The following CPLX1 variants were observed in gnomAD, a reference collection of about 807,000 sequenced individuals.
The protein encoded by CPLX1 is complexin 1.
Under a neutral mutation model 15.6 loss-of-function variants are expected in CPLX1, and 6 were observed. The ratio of observed to expected loss-of-function variants is 0.39; its 90% CI spans 0.21 to 0.76. The LOEUF is 0.76. CPLX1 is among the 30% of genes least tolerant of loss of function. The pLI, the probability that CPLX1 is intolerant of heterozygous loss-of-function variation, is 0.43. For missense variants in CPLX1, 242 were observed against 188.6 expected, an observed-to-expected ratio of 1.28 and a Z score of -1.66; for synonymous variants, 91 against 75.2, an observed-to-expected ratio of 1.21 and a Z score of -1.08.
intron 2 of CPLX1, among the ~76,000 whole-genome samples, chr4:820,030 T>C (rs1343096367): frequency 6.6e-6 from 1 of 152,190 alleles, no homozygotes; most frequent in African/African-American, 2.4e-5. Context: ...CAAAAGAATC[T>C]TCCCCATGTG....
chr4:792,371 G>A (rs1746206202), intron 3 of CPLX1, 62 bp downstream of exon 3: 1 of 1,413,332 alleles, frequency 7.1e-7, no homozygotes, highest in Non-Finnish European at 9.3e-7. Flanking sequence ...ACCCAGGCGG[G>A]ATCTGGGTCC....
chr4:811,783 C>T (rs1746669252), intron 2 of CPLX1, among the ~76,000 whole-genome samples: 1 of 152,212 alleles, frequency 6.6e-6, no homozygotes, highest in Non-Finnish European at 1.5e-5. Context: ...TCCTGCTTCT[C>T]TGTCCTTTGA....
At chr4:790,808 C>G (rs1382063931) in intron 3 of CPLX1, among the ~76,000 whole-genome samples, 1 of 152,154 alleles carries the variant, frequency 6.6e-6, no homozygotes, top group East Asian at 1.9e-4. Flanking sequence ...AGCGTCAGCT[C>G]TCTCTAGCTC....
At chr4:809,349 A>G (rs1201523795) in intron 2 of CPLX1, among the ~76,000 whole-genome samples, 2 of 152,198 alleles carry the variant, frequency 1.3e-5, no homozygotes, top group Non-Finnish European at 1.5e-5. Context: ...TCTCCCCCAG[A>G]AAGGGGCCCT....
chr4:789,351 G>T lies in CPLX1; in HGVS notation c.208-2653C>A, dbSNP rs184633827. Among the ~76,000 whole-genome samples the T allele has an allele frequency of 1.8e-3, 275 of 152,264 alleles. 3 individuals carry two copies. The highest frequency in any genetic ancestry group is 6.4e-3 in the African/African-American group (266 of 41,566). ...GGGGGCGCCCAGGAGGCCCTGACACGTCTGAGGTGAGACCCTGAACCCTGA... is the reference window on the plus strand; with the variant it reads ...GGGGGCGCCCAGGAGGCCCTGACACTTCTGAGGTGAGACCCTGAACCCTGA... On this transcript the variant is annotated intron_variant, in intron 3 of 3. Coordinates refer to ENST00000304062, the MANE Select transcript of CPLX1 (RefSeq NM_006651.4).
chr4:810,047 CTTTT>C (rs34354609), intron 2 of CPLX1, among the ~76,000 whole-genome samples: 256 of 120,330 alleles, frequency 2.1e-3, no homozygotes, highest in Non-Finnish European at 3.6e-3. Flanking sequence ...TCTGCACTTT[CTTTT>C]TTTTTTTTTT....
At chr4:794,666 G>T (rs1338436610) in intron 2 of CPLX1, among the ~76,000 whole-genome samples, 2 of 152,198 alleles carry the variant, frequency 1.3e-5, no homozygotes, top group Non-Finnish European at 2.9e-5. Context: ...ACCCCCATGA[G>T]AAAAGCTAAT....
intron 2 of CPLX1, among the ~76,000 whole-genome samples, chr4:800,365 T>C (rs1459754278): frequency 6.6e-6 from 1 of 152,178 alleles, no homozygotes; most frequent in Non-Finnish European, 1.5e-5. Context: ...CCGGGCGCAG[T>C]GGCTCACGCC....
At chr4:786,940 G>T in intron 3 of CPLX1, 1 of 982,778 alleles carries the variant, frequency 1.0e-6, no homozygotes, top group Non-Finnish European at 1.2e-6. Flanking sequence ...GGAGGGGGAG[G>T]CTCCCATCTT....
intron 3 of CPLX1, among the ~76,000 whole-genome samples, chr4:789,389 C>T (rs927914159): frequency 3.9e-5 from 6 of 152,086 alleles, no homozygotes; most frequent in Non-Finnish European, 5.9e-5. Context: ...ACACGGTATT[C>T]GTGAGAAAAA....
At position 801,499 on chromosome 4, in the gene CPLX1, G is replaced by A. The variant is rs539256152; in HGVS notation, c.32-8891C>T. The stretch of plus-strand genomic sequence containing the variant: ...AAAGCAACATGATGTCGCAGCCATT[G>A]TAAGGTGTACCACGTGGTACCTTTT... On this transcript the variant is annotated intron_variant, in intron 2 of 3. Transcript: ENST00000304062. Among the ~76,000 whole-genome samples, 3 of 152,314 alleles carry A rather than the reference G, an allele frequency of 2.0e-5. No individual in the cohort carries two copies. In the East Asian group the frequency reaches 5.8e-4, roughly 29 times the overall value.
At chr4:810,216 AT>A (rs1746640789) in intron 2 of CPLX1, among the ~76,000 whole-genome samples, 1 of 150,254 alleles carries the variant, frequency 6.7e-6, no homozygotes. Flanking sequence ...CGCCCGGCTA[AT>A]TTTTTGTATT....
intron 2 of CPLX1, among the ~76,000 whole-genome samples, chr4:807,454 T>C (rs1746577293): frequency 6.6e-6 from 1 of 152,050 alleles, no homozygotes; most frequent in Non-Finnish European, 1.5e-5. Flanking sequence ...CTACACATCC[T>C]GCACATGTAT....
In CPLX1 at chr4:824,592, A is replaced by T; in HGVS notation, c.-70T>A. 3 of 1,550,898 alleles carry T rather than the reference A, an allele frequency of 1.9e-6. No individual in the cohort carries two copies. Among genetic ancestry groups the T allele is most frequent in the Non-Finnish European group, 2.7e-6 (3 of 1,123,894 alleles). On this transcript the variant is annotated 5_prime_UTR_variant, in exon 2 of 4. Transcript: ENST00000304062. ...TCACACGCAAGTATGGCCGGGAGCG[A>T]GTGTTCTTCCTGGGGGAGAGTGAAG...
At chr4:815,737 C>T (rs978412477) in intron 2 of CPLX1, among the ~76,000 whole-genome samples, 6 of 152,230 alleles carry the variant, frequency 3.9e-5, no homozygotes, top group African/African-American at 1.4e-4. Context: ...TCATAAATCT[C>T]AGCGGCACTT....
intron 2 of CPLX1, among the ~76,000 whole-genome samples, chr4:819,546 T>TAC (rs1396600902): frequency 6.6e-6 from 1 of 152,230 alleles, no homozygotes; most frequent in Non-Finnish European, 1.5e-5. Flanking sequence ...ACATGCCTTG[T>TAC]TCCAAGGAGT....
chr4:788,255 G>A (rs1746061092), intron 3 of CPLX1: 5 of 985,126 alleles, frequency 5.1e-6, no homozygotes, highest in Middle Eastern at 5.2e-4. Context: ...CCAAATGGAG[G>A]GGGGGCTGCC....
At chr4:810,533 T>C (rs915316331) in intron 2 of CPLX1, among the ~76,000 whole-genome samples, 4 of 152,244 alleles carry the variant, frequency 2.6e-5, no homozygotes, top group Admixed American at 2.0e-4. Context: ...GTGGCTCTGT[T>C]GACTCTGGTC....
chr4:792,498 G>C lies in CPLX1; in HGVS notation c.142C>G (p.Arg48Gly), dbSNP rs1484776161. The stretch of plus-strand genomic sequence containing the variant: ...TCCATCTTGGCGTACTTGGCCTTGC[G>C]CTCCTCCTCCGCCTGGCGCAGCGCC... ...QEALRQAEEE[R>G]KAKYAKMEAE... The change falls in exon 3 of 4, where the codon CGC (arginine) becomes GGC (glycine). Residue 48 changes from arginine (R) to glycine (G), a missense_variant. Physicochemically the swap from Arg to Gly is moderately radical, Grantham distance 125 (BLOSUM62 -2). Coordinates refer to ENST00000304062, the MANE Select transcript of CPLX1 (RefSeq NM_006651.4). 6.2e-7 allele frequency: 1 copy of C among 1,612,860 alleles called. No homozygotes were observed. The highest frequency in any genetic ancestry group is 1.1e-5 in the South Asian group (1 of 91,040).
Sources: allele counts gnomAD v4.1 joint callset (sites outside exome capture counted in the v4.1 genomes callset), GRCh38; gene constraint gnomAD v4.1.1; transcripts MANE v1.5; gene names NCBI Gene and HGNC (gene_info 2026-07-23, HGNC 2026-07-21).